The following RNF25 variants were observed in gnomAD, a reference collection of about 807,000 sequenced individuals.
RNF25 encodes E3 ubiquitin-protein ligase RNF25.
Under a neutral mutation model 65.0 loss-of-function variants are expected in RNF25, and 32 were observed. That is an observed-to-expected ratio of 0.49 (90% CI 0.37 to 0.66). The LOEUF (loss-of-function observed/expected upper bound fraction) is 0.66. Among genes scored for constraint, RNF25 ranks in the 30% least tolerant of loss-of-function variants. The pLI is 0.00. For synonymous variants in RNF25, 207 were observed against 221.2 expected, an observed-to-expected ratio of 0.94 and a Z score of 0.57; for missense variants, 493 against 584.8, an observed-to-expected ratio of 0.84 and a Z score of 1.62.
chr2:218,667,459 T>A (rs1939846175), intron 5 of RNF25, among the ~76,000 whole-genome samples: 1 of 151,650 alleles, frequency 6.6e-6, no homozygotes, highest in African/African-American at 2.4e-5. Flanking sequence ...CAAGCGATTC[T>A]CCTTCCTCAG....
At chr2:218,667,871 C>A in intron 5 of RNF25, 41 bp downstream of exon 5, 1 of 1,588,478 alleles carries the variant, frequency 6.3e-7, no homozygotes, top group Non-Finnish European at 8.6e-7. Flanking sequence ...ACTGCTCTAG[C>A]TTGAAGGAAA....
intron 5 of RNF25, 41 bp downstream of exon 5, chr2:218,667,871 C>G (rs1442926228): frequency 6.3e-7 from 1 of 1,588,480 alleles, no homozygotes; most frequent in East Asian, 2.2e-5. Context: ...ACTGCTCTAG[C>G]TTGAAGGAAA....
chr2:218,666,956 G>A (rs923947159), intron 5 of RNF25, among the ~76,000 whole-genome samples: 4 of 152,118 alleles, frequency 2.6e-5, no homozygotes, highest in Admixed American at 2.0e-4. Context: ...ATAACCTGAG[G>A]TCAGGAGTTC....
chr2:218,667,994 G>A lies in RNF25; in HGVS notation c.288-13C>T. 6.2e-7 allele frequency: 1 copy of A among 1,614,110 alleles called. No individual in the cohort carries two copies. The highest frequency in any genetic ancestry group is 8.5e-7 in the Non-Finnish European group (1 of 1,179,982). On this transcript the variant is annotated splice_polypyrimidine_tract_variant and intron_variant, in intron 4 of 9. Transcript: ENST00000295704. ...CACCTGTAAGATCCTGGAGGAAGAG[G>A]GCAAACCAAATATTAGACCTGCCCA...
intron 7 of RNF25, 41 bp from the exon 8 acceptor site, chr2:218,665,288 G>GGGGC: frequency 6.3e-7 from 1 of 1,583,394 alleles, no homozygotes; most frequent in Non-Finnish European, 8.6e-7. Flanking sequence ...CACAGCCCAG[G>GGGGC]ATGCCCCCTG....
intron 1 of RNF25, among the ~76,000 whole-genome samples, chr2:218,669,394 A>G (rs1939900554): frequency 6.6e-6 from 1 of 152,212 alleles, no homozygotes; most frequent in African/African-American, 2.4e-5. Flanking sequence ...TACATAAAGT[A>G]CCTAATAGTA....
chr2:218,665,914 A>G lies in RNF25; in HGVS notation c.573+2T>C, dbSNP rs765621892. 5.0e-6 allele frequency: 8 copies of G among 1,612,570 alleles called. No individual in the cohort carries two copies. The highest frequency in any genetic ancestry group is 8.5e-7 in the Non-Finnish European group (1 of 1,179,256). On this transcript the variant is annotated splice_donor_variant, in intron 7 of 9. Coordinates refer to ENST00000295704, the MANE Select transcript of RNF25 (RefSeq NM_022453.3). LOFTEE classifies it high-confidence loss of function. ...TGAGTGTGCAGGTGCAGTGAGGTCT[A>G]CCTGTTTGGTTGTAGCATGCTGCCG... is the stretch of plus-strand genomic sequence containing the variant.
At chr2:218,666,379 T>TCC in intron 5 of RNF25, 149 bp from the exon 6 acceptor site, 4 of 643,746 alleles carry the variant, frequency 6.2e-6, no homozygotes, top group Non-Finnish European at 1.1e-5. Context: ...TTGGTGACGC[T>TCC]CCCTCTGCTG....
intron 7 of RNF25, among the ~76,000 whole-genome samples, 185 bp from the exon 8 acceptor site, chr2:218,665,432 A>C (rs947849009): frequency 3.9e-5 from 6 of 152,128 alleles, no homozygotes; most frequent in Non-Finnish European, 5.9e-5. Flanking sequence ...AACTGCATGC[A>C]ATATGTAAGT....
At position 218,671,943 on chromosome 2, in the gene RNF25, C is replaced by G. The variant is rs1422604806; in HGVS notation, c.28G>C (p.Gly10Arg). The G allele has an allele frequency of 5.6e-6, 9 of 1,614,258 alleles. No homozygotes were observed. Among genetic ancestry groups the G allele is most frequent in the Non-Finnish European group, 6.8e-6 (8 of 1,180,056 alleles). MAASASAAA[G>R]EEDWVLPSEV... ...CCCCAAAGTTACCAGTCCTCCTCCCCTGCAGCTGCAGACGCAGACGCCGCC... is the reference window on the plus strand; with the variant it reads ...CCCCAAAGTTACCAGTCCTCCTCCCGTGCAGCTGCAGACGCAGACGCCGCC... The change falls in exon 1 of 10, where the codon GGG (glycine) becomes CGG (arginine). Residue 10 changes from glycine to arginine, a missense_variant. Gly to Arg is a moderately radical substitution (Grantham distance 125, BLOSUM62 -2). Around this residue, in one of 3 missense-constraint regions of RNF25, gnomAD observed 34 missense variants for 18.6 expected, o/e 1.83. Transcript: ENST00000295704.
At chr2:218,668,195 ACT>A in intron 3 of RNF25, 42 bp downstream of exon 3, 1 of 1,611,838 alleles carries the variant, frequency 6.2e-7, no homozygotes. Flanking sequence ...CACCCCAGGG[ACT>A]CTCCCCTTCC....
chr2:218,665,805 G>T (rs953711891), intron 7 of RNF25, 111 bp downstream of exon 7: 7 of 1,366,154 alleles, frequency 5.1e-6, no homozygotes, highest in African/African-American at 4.4e-5. Context: ...AATCTCAAGG[G>T]TATCTATGAC....
Position 218,663,892 on chromosome 2 carries a change from G to T in RNF25, c.*65C>A, listed in dbSNP as rs1239677684. ...GCGCTGCTAAGCAAAGAAAGCCAAA[G>T]AAGGCCAAATATCTTTATTGCCTCC... On this transcript the variant is annotated 3_prime_UTR_variant, in exon 10 of 10. Coordinates refer to ENST00000295704, the MANE Select transcript of RNF25 (RefSeq NM_022453.3). 1.5e-6 allele frequency: 2 copies of T among 1,296,998 alleles called. No homozygotes were observed. The highest frequency in any genetic ancestry group is 2.1e-6 in the Non-Finnish European group (2 of 975,414). The allele number at this position is 1,296,998 out of a possible 1,614,324, so 80.3% of individuals were successfully genotyped here.
intron 1 of RNF25, 55 bp downstream of exon 1, chr2:218,671,875 T>TA: frequency 6.2e-7 from 1 of 1,603,746 alleles, no homozygotes; most frequent in Non-Finnish European, 8.5e-7. Context: ...CGACAGCTGC[T>TA]AGGCCTCTGG....
At chr2:218,668,206 C>A in intron 3 of RNF25, 33 bp downstream of exon 3, 1 of 1,611,560 alleles carries the variant, frequency 6.2e-7, no homozygotes, top group Non-Finnish European at 8.5e-7. Flanking sequence ...CTCTCCCCTT[C>A]CTCCCTTTGC....
rs202163379 is a variant in RNF25, at chr2:218,664,440, G to A, written c.897C>T (p.Ala299=). The stretch of plus-strand genomic sequence containing the variant: ...GAGGAGGTGGCAAAGTGGATTGGAC[G>A]GCTGGTGAGGTGGATAGTTCTGCTG... ...TLAAELSTSP[A]VQSTLPPPLP... Residue 299 remains alanine, a synonymous_variant, in exon 10 of 10, where the codon GCC becomes GCT. Transcript: ENST00000295704. The surrounding 1 kb of genome is among the most constrained non-coding windows in gnomAD (Gnocchi z 5.1). The A allele has an allele frequency of 1.5e-5, 24 of 1,614,068 alleles. No individual in the cohort carries two copies. Among genetic ancestry groups the A allele is most frequent in the Admixed American group, 6.7e-5 (4 of 60,008 alleles).
chr2:218,670,988 C>A (rs1939950982), intron 1 of RNF25, among the ~76,000 whole-genome samples: 1 of 152,122 alleles, frequency 6.6e-6, no homozygotes, highest in Admixed American at 6.5e-5. Flanking sequence ...GTCTGGCCAA[C>A]ATGGCAAAAC....
intron 1 of RNF25, among the ~76,000 whole-genome samples, chr2:218,670,028 C>T (rs531958099): frequency 1.3e-5 from 2 of 151,626 alleles, no homozygotes; most frequent in African/African-American, 4.8e-5. Context: ...GCCTGGGCAA[C>T]AAAGCGAGAC....
At position 218,666,174 on chromosome 2, in the gene RNF25, G is replaced by A. The variant is rs769370258; in HGVS notation, c.414C>T (p.Cys138=). 16 of 1,613,886 alleles carry A rather than the reference G, an allele frequency of 9.9e-6. No homozygotes were observed. In the African/African-American group the frequency reaches 2.0e-4, roughly 20 times the overall value. ...AGAAACCCACCTGGAAACCATAGAG[G>A]CAGATGACACACTGGCCATGAGGGA... ...NNIPHGQCVI[C]LYGFQEKEAF... Residue 138 remains cysteine, a synonymous_variant, in exon 6 of 10, where the codon TGC becomes TGT. Coordinates refer to ENST00000295704, the MANE Select transcript of RNF25 (RefSeq NM_022453.3).
Sources: gnomAD v4.1 joint callset for allele counts (sites outside exome capture counted in the v4.1 genomes callset) on GRCh38, gnomAD v4.1.1 for gene constraint, gnomAD v4.1.1 regional missense constraint, Gnocchi (gnomAD v3.1) non-coding constraint, MANE v1.5 for transcripts, NCBI Gene and HGNC (gene_info 2026-07-23, HGNC 2026-07-21) for gene names.